Variants in DOCK8 observed in about 807,000 individuals in gnomAD.
DOCK8 encodes the protein dedicator of cytokinesis protein 8.
DOCK8 carries 141 observed loss-of-function variants against 245.6 expected under a neutral mutation model. That is an observed-to-expected ratio of 0.57 (90% confidence interval 0.50 to 0.66). The LOEUF (loss-of-function observed/expected upper bound fraction) is 0.66, where lower values mean the gene tolerates loss of function less well. DOCK8 is among the 30% of genes least tolerant of loss of function. The pLI is 0.00. For synonymous variants in DOCK8, 1,168 were observed against 970.2 expected (o/e 1.20, Z -3.79); for missense variants, 2,965 against 2,603.4 (o/e 1.14, Z -3.02).
At chr9:324,064 G>C (rs1219454487) in intron 7 of DOCK8, among the ~76,000 whole-genome samples, 2 of 152,192 alleles carry the variant, frequency 1.3e-5, no homozygotes, top group African/African-American at 4.8e-5. Context: ...ACCTTATTTT[G>C]CAGATAAATA....
At chr9:211,840 A>T (rs1032657870), upstream of DOCK8, among the ~76,000 whole-genome samples, 2 of 152,208 alleles carry the variant, frequency 1.3e-5, no homozygotes, top group Non-Finnish European at 2.9e-5. Context: ...CCTCCACTGG[A>T]TGACTCCAAA....
intron 5 of DOCK8, among the ~76,000 whole-genome samples, chr9:308,480 T>G (rs1387075286): frequency 2.0e-5 from 3 of 152,232 alleles, no homozygotes; most frequent in Non-Finnish European, 2.9e-5. Flanking sequence ...GTGCACCTTC[T>G]TATTGAGTAG....
rs10973016 is a variant in DOCK8 at position 376,572 on chromosome 9, C to G, written c.2205+267C>G. ...TTGCAGGGGGACTTGATTTGAAACT[C>G]TCATCTGCTGTTACTTCTTTTCCCT... On this transcript the variant is annotated intron_variant, in intron 19 of 47. Coordinates refer to ENST00000432829, the MANE Select transcript of DOCK8 (RefSeq NM_203447.4). Among the ~76,000 whole-genome samples the G allele has an allele frequency of 0.18, 26,613 of 149,842 alleles. 2,954 individuals are homozygous for G. Among genetic ancestry groups the G allele is most frequent in the Middle Eastern group, 0.3 (87 of 294 alleles).
intron 14 of DOCK8, among the ~76,000 whole-genome samples, chr9:360,095 C>G (rs2052649728): frequency 6.6e-6 from 1 of 151,918 alleles, no homozygotes. Flanking sequence ...GCGGGCGGAT[C>G]ACTTGAGGTC....
chr9:446,465 G>A lies in DOCK8; in HGVS notation c.5676G>A (p.Arg1892=). The stretch of plus-strand genomic sequence containing the variant: ...TTGAGAAGAATTTCAACCTCCGGAG[G>A]TTCATGTACACCACCCCGTTCACCC... ...TYFEKNFNLR[R]FMYTTPFTLE... The change falls in exon 44 of 48, where the codon AGG becomes AGA. Residue 1892 remains arginine, a synonymous_variant. Transcript: ENST00000432829. The A allele has an allele frequency of 6.2e-7, 1 of 1,614,178 alleles. No individual in the cohort carries two copies. Among genetic ancestry groups the A allele is most frequent in the Middle Eastern group, 1.6e-4 (1 of 6,062 alleles).
At chr9:337,609 A>G (rs543643717) in intron 12 of DOCK8, among the ~76,000 whole-genome samples, 1 of 152,168 alleles carries the variant, frequency 6.6e-6, no homozygotes, top group Admixed American at 6.5e-5. Context: ...GAGGGTGACC[A>G]TTCCAGATGG....
intron 1 of DOCK8, among the ~76,000 whole-genome samples, chr9:268,744 T>C (rs1216770897): frequency 6.6e-6 from 1 of 152,232 alleles, no homozygotes. Flanking sequence ...AAAAAGGCTT[T>C]GGCTTGGTTG....
intron 14 of DOCK8, among the ~76,000 whole-genome samples, chr9:353,558 AT>A (rs1355005775): frequency 6.6e-6 from 1 of 152,160 alleles, no homozygotes; most frequent in Non-Finnish European, 1.5e-5. Context: ...CAGCTGGCAG[AT>A]TTGTTTTAGG....
At chr9:261,943 T>G (rs1416574648) in intron 1 of DOCK8, among the ~76,000 whole-genome samples, 1 of 151,926 alleles carries the variant, frequency 6.6e-6, no homozygotes, top group African/African-American at 2.4e-5. Flanking sequence ...TTTAAATTCT[T>G]TCACTGTCAG....
chr9:379,993 C>T, intron 21 of DOCK8, 58 bp downstream of exon 21: 1 of 1,571,426 alleles, frequency 6.4e-7, no homozygotes, highest in South Asian at 1.1e-5. Flanking sequence ...CTCCACCCCA[C>T]TGCAGTGTAA....
chr9:228,213 A>G (rs2047030046), intron 1 of DOCK8, among the ~76,000 whole-genome samples: 1 of 152,184 alleles, frequency 6.6e-6, no homozygotes, highest in Admixed American at 6.5e-5. Context: ...ACAATGCTGA[A>G]CAAAGGATGT....
At chr9:317,649 CT>C (rs1166315135) in intron 7 of DOCK8, among the ~76,000 whole-genome samples, 1 of 152,184 alleles carries the variant, frequency 6.6e-6, no homozygotes, top group African/African-American at 2.4e-5. Context: ...ATAAATGCAA[CT>C]GAAACTCAGT....
rs10814277 is a variant in DOCK8 at position 367,887 on chromosome 9, A to T, written c.1680-131A>T. 151,701 of 724,712 alleles carry T rather than the reference A, an allele frequency of 0.21. 17,513 individuals carry two copies. The highest frequency in any genetic ancestry group is 0.26 in the Middle Eastern group (685 of 2,650). 44.9% of individuals were successfully genotyped at this position (724,712 alleles called of 1,614,324 possible). A position where few individuals can be genotyped will look rare whatever the true frequency, so the allele number is the denominator to read the frequency against. ...CAAGTAATTCACTCCCCCCAATAAT[A>T]ATTCACTTCTGAGAGGAAAAACTTC... On this transcript the variant is annotated intron_variant, in intron 14 of 47. Coordinates refer to ENST00000432829, the MANE Select transcript of DOCK8 (RefSeq NM_203447.4).
At chr9:376,929 A>T (rs7020921) in intron 19 of DOCK8, 48 bp from the exon 20 acceptor site, 1 of 1,523,656 alleles carries the variant, frequency 6.6e-7, no homozygotes, top group South Asian at 1.2e-5. Flanking sequence ...TCCACTGGTG[A>T]ACATTGATGG....
At chr9:263,374 A>G (rs1257710394) in intron 1 of DOCK8, among the ~76,000 whole-genome samples, 1 of 152,152 alleles carries the variant, frequency 6.6e-6, no homozygotes, top group Non-Finnish European at 1.5e-5. Flanking sequence ...CATTTCCCAG[A>G]TGATATAATA....
intron 42 of DOCK8, 80 bp from the exon 43 acceptor site, chr9:443,347 A>G (rs2057152102): frequency 1.4e-6 from 2 of 1,403,374 alleles, no homozygotes; most frequent in Admixed American, 1.7e-5. Flanking sequence ...ACTTGCTCCA[A>G]ACTTATTTCA....
intron 1 of DOCK8, among the ~76,000 whole-genome samples, chr9:231,360 G>C (rs1185908609): frequency 2.6e-5 from 4 of 152,052 alleles, no homozygotes; most frequent in African/African-American, 7.2e-5. Context: ...TGTTCTTTTG[G>C]CTTAGGATTG....
At chr9:327,377 TA>T (rs1258361868) in intron 8 of DOCK8, among the ~76,000 whole-genome samples, 2 of 151,922 alleles carry the variant, frequency 1.3e-5, no homozygotes, top group East Asian at 3.9e-4. Context: ...GTTACATGTT[TA>T]CCTTTTCCCT....
chr9:409,589 A>G (rs2055615372), intron 28 of DOCK8, among the ~76,000 whole-genome samples: 2 of 152,000 alleles, frequency 1.3e-5, no homozygotes, highest in Admixed American at 1.3e-4. Context: ...TTCTTTTTTT[A>G]TTATTATCAT....
Sources: allele counts gnomAD v4.1 joint callset (sites outside exome capture counted in the v4.1 genomes callset), GRCh38; gene constraint gnomAD v4.1.1; transcripts MANE v1.5; gene names NCBI Gene and HGNC (gene_info 2026-07-23, HGNC 2026-07-21).